NTM: variants seen among roughly 807,000 people sequenced by gnomAD.
NTM encodes neurotrimin.
In NTM, 13 loss-of-function variants were observed where a neutral mutation model predicts 42.1. The observed-to-expected ratio is 0.31, with a 90% CI of 0.20 to 0.49. The LOEUF is 0.49. NTM is among the 20% of genes least tolerant of loss of function. The pLI, the probability that NTM is intolerant of heterozygous loss-of-function variation, is 0.99. For missense variants in NTM, 373 were observed against 452.8 expected, an observed-to-expected ratio of 0.82 and a Z score of 1.60; for synonymous variants, 187 against 179.2, an observed-to-expected ratio of 1.04 and a Z score of -0.35.
intron 1 of NTM, chr11:131,795,532 GAC>G (rs2091456377): frequency 1.0e-6 from 1 of 985,300 alleles, no homozygotes; most frequent in African/African-American, 1.7e-5. Flanking sequence ...CTCATAGCCA[GAC>G]ACTGCTCTGT....
intron 1 of NTM, among the ~76,000 whole-genome samples, chr11:131,885,379 T>C (rs2050215681): frequency 6.6e-6 from 1 of 152,242 alleles, no homozygotes; most frequent in East Asian, 1.9e-4. Flanking sequence ...GCTACACAAC[T>C]GCGGGCAGGT....
intron 4 of NTM, among the ~76,000 whole-genome samples, chr11:132,273,321 T>G (rs1304465505): frequency 4.8e-5 from 7 of 144,670 alleles, no homozygotes; most frequent in Admixed American, 3.4e-4. Context: ...TTTTTTTTTT[T>G]TTTTTTTTTT....
rs562906212 is a variant in NTM, at chr11:131,750,669, T to C, written c.83-160895T>C. The stretch of plus-strand genomic sequence containing the variant: ...TCCACCACAGCCCACCACTTGGTCA[T>C]TTCTGTGTAACCACAGCAATAGACT... On this transcript the variant is annotated intron_variant, in intron 1 of 8. Coordinates refer to ENST00000683400, the MANE Select transcript of NTM (RefSeq NM_001352005.2). Among the ~76,000 whole-genome samples, 4 of 152,344 alleles carry C rather than the reference T, an allele frequency of 2.6e-5. No individual in the cohort carries two copies. In the South Asian group the frequency reaches 6.2e-4, roughly 24 times the overall value.
chr11:132,058,081 T>C (rs530341218), intron 2 of NTM, among the ~76,000 whole-genome samples: 110 of 152,370 alleles, frequency 7.2e-4, no homozygotes, highest in Non-Finnish European at 9.7e-4. Context: ...CTGATCCCTC[T>C]GATTTGAGTT....
intron 4 of NTM, among the ~76,000 whole-genome samples, chr11:132,215,218 C>T (rs1324877397): frequency 1.3e-5 from 2 of 151,982 alleles, no homozygotes; most frequent in Non-Finnish European, 2.9e-5. Context: ...GATCACAGTT[C>T]CATCAAGATC....
At chr11:131,425,010 G>T (rs1947980213) in intron 1 of NTM, among the ~76,000 whole-genome samples, 1 of 151,586 alleles carries the variant, frequency 6.6e-6, no homozygotes, top group African/African-American at 2.4e-5. Context: ...CTCCCAAGTA[G>T]CTGGGATTAC....
intron 1 of NTM, among the ~76,000 whole-genome samples, chr11:131,673,002 T>C (rs1176394291): frequency 6.7e-6 from 1 of 149,622 alleles, no homozygotes; most frequent in Non-Finnish European, 1.5e-5. Flanking sequence ...AGTGACCGTG[T>C]TCCTTGTCTA....
chr11:131,884,777 G>A (rs909324908), intron 1 of NTM, among the ~76,000 whole-genome samples: 5 of 152,330 alleles, frequency 3.3e-5, no homozygotes, highest in Admixed American at 1.3e-4. Flanking sequence ...TATGTCACCT[G>A]TGGGTTCCTG....
chr11:131,692,279 T>C (rs1053889725), intron 1 of NTM, among the ~76,000 whole-genome samples: 1 of 152,222 alleles, frequency 6.6e-6, no homozygotes, highest in Non-Finnish European at 1.5e-5. Flanking sequence ...TGCAGATCTC[T>C]GAGTGATGCT....
At chr11:131,481,279 G>A (rs1269502216) in intron 1 of NTM, among the ~76,000 whole-genome samples, 1 of 152,192 alleles carries the variant, frequency 6.6e-6, no homozygotes, top group Admixed American at 6.5e-5. Flanking sequence ...ACTTGGAAAA[G>A]TCCTAGAAGA....
Position 131,599,273 on chromosome 11 carries a change from AGCAGATGCCCTGTCTACCCAGTCTCCG to A in NTM, c.82+228472_82+228498del, listed in dbSNP as rs1565687824. Among the ~76,000 whole-genome samples, 387 of 75,696 alleles carry A rather than the reference AGCAGATGCCCTGTCTACCCAGTCTCCG, an allele frequency of 5.1e-3. 44 individuals are homozygous for A. The highest frequency in any genetic ancestry group is 0.022 in the African/African-American group (318 of 14,476). The allele number at this position is 75,696 out of a possible 152,430, so 49.7% of individuals were successfully genotyped here. A position where few individuals can be genotyped will look rare whatever the true frequency, so the allele number is the denominator to read the frequency against. ...GCCATGCCCTGTCTACCCAGTCTCC[AGCAGATGCCCTGTCTACCCAGTCTCCG>A]GCAGATGCCCTGTCTACCCAGTCTC... On this transcript the variant is annotated intron_variant, in intron 1 of 8. Coordinates refer to ENST00000683400, the MANE Select transcript of NTM (RefSeq NM_001352005.2).
At chr11:132,161,367 C>T (rs2074226645) in intron 3 of NTM, among the ~76,000 whole-genome samples, 1 of 123,376 alleles carries the variant, frequency 8.1e-6, no homozygotes, top group Non-Finnish European at 1.6e-5. Flanking sequence ...GTCTTTCGAG[C>T]AGCTTTTTTT....
intron 2 of NTM, among the ~76,000 whole-genome samples, chr11:131,966,895 T>C (rs2062905430): frequency 6.6e-6 from 1 of 151,970 alleles, no homozygotes; most frequent in Admixed American, 6.5e-5. Flanking sequence ...CAGATGGTGG[T>C]GAGGAAGGTG....
At chr11:131,764,970 C>A (rs2084876505) in intron 1 of NTM, among the ~76,000 whole-genome samples, 1 of 152,108 alleles carries the variant, frequency 6.6e-6, no homozygotes, top group Non-Finnish European at 1.5e-5. Flanking sequence ...TTATTTCATC[C>A]AGGTGAGGCT....
At chr11:131,767,587 G>T (rs1252177402) in intron 1 of NTM, among the ~76,000 whole-genome samples, 1 of 152,132 alleles carries the variant, frequency 6.6e-6, no homozygotes, top group Non-Finnish European at 1.5e-5. Flanking sequence ...AAAGACAGAG[G>T]TTAGAGCAAT....
intron 1 of NTM, among the ~76,000 whole-genome samples, chr11:131,686,478 C>G (rs1371457343): frequency 6.6e-6 from 1 of 152,158 alleles, no homozygotes; most frequent in Non-Finnish European, 1.5e-5. Context: ...TCATAAAGGT[C>G]TTCATCCTCG....
intron 2 of NTM, among the ~76,000 whole-genome samples, chr11:131,954,028 C>T (rs2061311004): frequency 6.6e-6 from 1 of 152,192 alleles, no homozygotes; most frequent in African/African-American, 2.4e-5. Context: ...TTAATAGCTT[C>T]CAATTTAACA....
rs78172153 is a variant in NTM at position 131,676,804 on chromosome 11, C to T, written c.83-234760C>T. 5.4e-3 allele frequency among the ~76,000 whole-genome samples: 827 copies of T among 152,344 alleles called. 26 individuals carry two copies. Among genetic ancestry groups the T allele is most frequent in the Non-Finnish European group, 1.4e-3 (98 of 68,038 alleles). On this transcript the variant is annotated intron_variant, in intron 1 of 8. Transcript: ENST00000683400. ...TCTAAGAACAAGGCGTCTTCTTCCA[C>T]AGCCACAACACAAGGTATGAATTCC...
At chr11:131,576,097 A>G (rs1187464315) in intron 1 of NTM, among the ~76,000 whole-genome samples, 3 of 152,190 alleles carry the variant, frequency 2.0e-5, no homozygotes, top group Non-Finnish European at 4.4e-5. Context: ...AAAGGGAGTC[A>G]GTATGATTTG....
Sources: gnomAD v4.1 joint callset for allele counts (sites outside exome capture counted in the v4.1 genomes callset) on GRCh38, gnomAD v4.1.1 for gene constraint, MANE v1.5 for transcripts, NCBI Gene and HGNC (gene_info 2026-07-23, HGNC 2026-07-21) for gene names.